The following WNT10A variants were observed in gnomAD, a reference collection of about 807,000 sequenced individuals.
WNT10A encodes the protein protein Wnt-10a.
A neutral mutation model predicts 36.1 loss-of-function variants in WNT10A; 37 were observed. The observed-to-expected ratio is 1.02, with a 90% CI of 0.79 to 1.35. The LOEUF (loss-of-function observed/expected upper bound fraction) is 1.35, where lower values mean the gene tolerates loss of function less well. WNT10A is among the 40% of genes most tolerant of loss of function. The pLI, the probability that WNT10A is intolerant of heterozygous loss-of-function variation, is 0.00. For synonymous variants in WNT10A, 255 were observed against 254.1 expected (o/e 1.00, Z -0.03); for missense variants, 613 against 601.4 (o/e 1.02, Z -0.20).
Position 218,890,206 on chromosome 2 carries a change from C to G in WNT10A, c.599C>G (p.Thr200Arg), listed in dbSNP as rs1944633045. 1 of 1,614,076 alleles carries G rather than the reference C, an allele frequency of 6.2e-7. No homozygotes were observed. The highest frequency in any genetic ancestry group is 2.2e-5 in the East Asian group (1 of 44,886). The stretch of plus-strand genomic sequence containing the variant: ...GTCCCGGAACACCCAGCCCTGCCCA[C>G]AGCCAGCCCAGGCCTGCAGGACTCC... ...HGVPEHPALP[T>R]ASPGLQDSWE... The change falls in exon 3 of 4, where the codon ACA becomes AGA. Residue 200 changes from threonine to arginine, a missense_variant. Thr to Arg is a moderately conservative substitution (Grantham distance 71, BLOSUM62 -1). Coordinates refer to ENST00000258411, the MANE Select transcript of WNT10A (RefSeq NM_025216.3).
intron 2 of WNT10A, among the ~76,000 whole-genome samples, chr2:218,883,344 G>C (rs1944539916): frequency 1.3e-5 from 2 of 152,278 alleles, no homozygotes; most frequent in South Asian, 4.1e-4. Flanking sequence ...AGTGGAGGTG[G>C]AGTGGGAGAG....
At position 218,882,321 on chromosome 2, in the gene WNT10A, G is replaced by T; in HGVS notation, c.274G>T (p.Ala92Ser). Reference sequence around the variant, plus strand: ...CTCAGCCATACAGGGCATCCAGATCGCCATCCACGAATGCCAACACCAATT... The same window carrying T: ...CTCAGCCATACAGGGCATCCAGATCTCCATCCACGAATGCCAACACCAATT... The part of the protein sequence containing the change: ...AASAIQGIQI[A>S]IHECQHQFRD... The change falls in exon 2 of 4, where the codon GCC becomes TCC. Residue 92 changes from alanine to serine, a missense_variant. Coordinates refer to ENST00000258411, the MANE Select transcript of WNT10A (RefSeq NM_025216.3). 1.2e-6 allele frequency: 2 copies of T among 1,614,106 alleles called. No individual in the cohort carries two copies.
chr2:218,882,022 T>G, intron 1 of WNT10A, 139 bp from the exon 2 acceptor site: 1 of 1,111,782 alleles, frequency 9.0e-7, no homozygotes, highest in Non-Finnish European at 1.3e-6. Flanking sequence ...TGTGTAGGAG[T>G]GTACTGATGG....
rs148714379 is a variant in WNT10A at position 218,890,106 on chromosome 2, G to C, written c.499G>C (p.Glu167Gln). The change falls in exon 3 of 4, where the codon GAG becomes CAG. Residue 167 changes from glutamate (E) to glutamine (Q), a missense_variant. Transcript: ENST00000258411. ...CTGTGATGCGTCCCGGCGAGGGGAC[G>C]AGGAGGCCTTCCGTAGGAAGCTGCA... The part of the protein sequence containing the change: ...CGCDASRRGD[E>Q]EAFRRKLHRL... 4.3e-6 allele frequency: 7 copies of C among 1,614,018 alleles called. No individual in the cohort carries two copies. In the East Asian group the frequency reaches 1.6e-4, roughly 36 times the overall value.
chr2:218,890,803 G>A (rs1944642565), intron 3 of WNT10A, among the ~76,000 whole-genome samples: 1 of 152,122 alleles, frequency 6.6e-6, no homozygotes, highest in African/African-American at 2.4e-5. Flanking sequence ...CAGCCTTTCT[G>A]TGCAGTCTAG....
Position 218,881,720 on chromosome 2 carries a change from ATGTC to A in WNT10A, c.114-438_114-435del, listed in dbSNP as rs1433162229. Among the ~76,000 whole-genome samples, 12 of 152,268 alleles carry A rather than the reference ATGTC, an allele frequency of 7.9e-5. No homozygotes were observed. The East Asian group carries it at 1.9e-3, about 24-fold the overall frequency. ...TGTCTTTGTGTGTGTGTCTGTAACT[ATGTC>A]TGATGAAGTGTGCATGTGCGTAAGT... On this transcript the variant is annotated intron_variant, in intron 1 of 3. Coordinates refer to ENST00000258411, the MANE Select transcript of WNT10A (RefSeq NM_025216.3).
At chr2:218,892,257 G>T (rs919422764) in intron 3 of WNT10A, among the ~76,000 whole-genome samples, 1 of 151,296 alleles carries the variant, frequency 6.6e-6, no homozygotes, top group Non-Finnish European at 1.5e-5. Flanking sequence ...CTGAGAGGGG[G>T]ACCAAGGCTT....
In WNT10A at chr2:218,888,390, G is replaced by A. The variant is rs201929069; in HGVS notation, c.377-1594G>A. On this transcript the variant is annotated intron_variant, in intron 2 of 3. Coordinates refer to ENST00000258411, the MANE Select transcript of WNT10A (RefSeq NM_025216.3). ...GGTTGGAGCACCAAGAAGGAAGGCA[G>A]TGTGGACAAGCCAGTGGCCAGGCCG... 9.8e-5 allele frequency among the ~76,000 whole-genome samples: 15 copies of A among 152,390 alleles called. 1 individual carries two copies. The East Asian group carries it at 2.7e-3, about 27-fold the overall frequency.
At chr2:218,883,653 C>A (rs1477213083) in intron 2 of WNT10A, among the ~76,000 whole-genome samples, 1 of 151,432 alleles carries the variant, frequency 6.6e-6, no homozygotes, top group East Asian at 2.0e-4. Flanking sequence ...GCGAACTAAT[C>A]CCCGCGGGCC....
intron 2 of WNT10A, among the ~76,000 whole-genome samples, chr2:218,883,518 C>T (rs1438101191): frequency 6.6e-6 from 1 of 151,592 alleles, no homozygotes; most frequent in African/African-American, 2.4e-5. Flanking sequence ...CTCCACCAGC[C>T]CAGCCCCAGG....
chr2:218,889,212 A>G (rs1000685216), intron 2 of WNT10A, among the ~76,000 whole-genome samples: 14 of 152,226 alleles, frequency 9.2e-5, no homozygotes, highest in Admixed American at 6.5e-5. Context: ...ACTTAGAATA[A>G]TAGTCTCAAA....
chr2:218,892,663 A>G, intron 3 of WNT10A, 111 bp from the exon 4 acceptor site: 1 of 1,487,432 alleles, frequency 6.7e-7, no homozygotes. Context: ...TCCCGGCCTC[A>G]GCGTTTGCCT....
rs774591921 is a variant in WNT10A, at chr2:218,890,167, G to A, written c.560G>A (p.Gly187Asp). The A allele has an allele frequency of 6.2e-7, 1 of 1,614,166 alleles. No individual in the cohort carries two copies. The highest frequency in any genetic ancestry group is 1.1e-5 in the South Asian group (1 of 91,088). ...CTGGATGCACTGCAGCGTGGTAAGG[G>A]CCTGAGCCATGGGGTCCCGGAACAC... ...LQLDALQRGKGLSHGVPEHPA... is the reference protein window; with the variant it reads ...LQLDALQRGKDLSHGVPEHPA... The change falls in exon 3 of 4, where the codon GGC becomes GAC. Residue 187 changes from glycine (G) to aspartate (D), a missense_variant. Transcript: ENST00000258411.
At position 218,893,089 on chromosome 2, in the gene WNT10A, G is replaced by C. The variant is rs1308808698; in HGVS notation, c.1072G>C (p.Val358Leu). 6.3e-7 allele frequency: 1 copy of C among 1,596,280 alleles called. No homozygotes were observed. The highest frequency in any genetic ancestry group is 1.3e-5 in the African/African-American group (1 of 74,878). Residue 358 changes from valine (V) to leucine (L), a missense_variant, in exon 4 of 4, where the codon GTG becomes CTG. By Grantham distance (32) the Val-to-Leu change is conservative. Transcript: ENST00000258411. The surrounding 1 kb of genome is among the most constrained non-coding windows in gnomAD (Gnocchi z 6.3). ...REPRLDSAGT[V>L]GRLCNKSSAG... ...GCCGCGCCTGGACTCGGCGGGCACC[G>C]TGGGCCGCCTGTGCAACAAGAGCAG...
At chr2:218,889,257 T>C (rs956073770) in intron 2 of WNT10A, among the ~76,000 whole-genome samples, 6 of 152,252 alleles carry the variant, frequency 3.9e-5, no homozygotes, top group Non-Finnish European at 7.3e-5. Flanking sequence ...CATTATTTTG[T>C]TCCTTTTTAT....
At chr2:218,879,162 G>C (rs562516428), upstream of WNT10A, among the ~76,000 whole-genome samples, 9 of 151,800 alleles carry the variant, frequency 5.9e-5, no homozygotes, top group East Asian at 7.8e-4. Flanking sequence ...GGGAAAGGAG[G>C]GGGGAGTATG....
chr2:218,881,234 G>C (rs1944509424), intron 1 of WNT10A, 126 bp downstream of exon 1: 2 of 1,408,362 alleles, frequency 1.4e-6, no homozygotes, highest in Admixed American at 4.0e-5. Context: ...GGAAAGTGCT[G>C]GTGCCCAACC....
chr2:218,882,483 A>G (rs1944530680), intron 2 of WNT10A, 60 bp downstream of exon 2: 4 of 1,603,970 alleles, frequency 2.5e-6, no homozygotes, highest in Non-Finnish European at 3.4e-6. Context: ...CTCAGAATCT[A>G]TTCCCAGCCA....
chr2:218,876,917 A>T (rs1944457891), upstream of WNT10A, among the ~76,000 whole-genome samples: 1 of 152,066 alleles, frequency 6.6e-6, no homozygotes, highest in Admixed American at 6.5e-5. Flanking sequence ...AAGCAAGGAG[A>T]CCTACAGACA....
Sources: allele counts gnomAD v4.1 joint callset (sites outside exome capture counted in the v4.1 genomes callset), GRCh38; gene constraint gnomAD v4.1.1; non-coding constraint Gnocchi (gnomAD v3.1); transcripts MANE v1.5; gene names NCBI Gene and HGNC (gene_info 2026-07-23, HGNC 2026-07-21).